TBCD: variants seen among roughly 807,000 people sequenced by gnomAD.
TBCD encodes the protein tubulin folding cofactor D.
Under a neutral mutation model 169.3 loss-of-function variants are expected in TBCD, and 105 were observed. The observed-to-expected ratio is 0.62, with a 90% CI of 0.53 to 0.73. The LOEUF (loss-of-function observed/expected upper bound fraction) is 0.73. TBCD is among the 30% of genes least tolerant of loss of function. TBCD has a pLI of 0.00. For synonymous variants in TBCD, 700 were observed against 643.9 expected (o/e 1.09, Z -1.32); for missense variants, 1,444 against 1,600.1 (o/e 0.90, Z 1.66).
At chr17:82,799,814 C>T (rs368382753) in intron 8 of TBCD, among the ~76,000 whole-genome samples, 30 of 152,222 alleles carry the variant, frequency 2.0e-4, no homozygotes, top group African/African-American at 6.0e-4. Flanking sequence ...TTGTCACCCA[C>T]GCTCATTGTG....
chr17:82,896,221 C>T (rs1219951986), intron 17 of TBCD, among the ~76,000 whole-genome samples: 2 of 152,174 alleles, frequency 1.3e-5, no homozygotes, highest in African/African-American at 4.8e-5. Context: ...GCTTCCTCTG[C>T]TCCATGCTTC....
In TBCD at chr17:82,832,526, G is replaced by A. The variant is rs565671741; in HGVS notation, c.1318+17592G>A. The A allele has an allele frequency of 1.4e-6, 2 of 1,405,808 alleles. No homozygotes were observed. The highest frequency in any genetic ancestry group is 1.4e-5 in the African/African-American group (1 of 71,058). The allele number at this position is 1,405,808 out of a possible 1,614,324, so 87.1% of individuals were successfully genotyped here. A position where few individuals can be genotyped will look rare whatever the true frequency, so the allele number is the denominator to read the frequency against. The stretch of plus-strand genomic sequence containing the variant: ...CTGTCGACGCCGCGTGCACTTCGTG[G>A]TTTCTAAAGAGGCACCTCCCGCTTT... On this transcript the variant is annotated intron_variant, in intron 13 of 38. Coordinates refer to ENST00000355528, the MANE Select transcript of TBCD (RefSeq NM_005993.5). This position sits in a 1 kb window ranked among gnomAD's most constrained non-coding sequence, Gnocchi z 4.9.
chr17:82,785,853 A>AG (rs1176119728), intron 7 of TBCD, among the ~76,000 whole-genome samples: 1 of 140,888 alleles, frequency 7.1e-6, no homozygotes, highest in African/African-American at 2.8e-5. Flanking sequence ...TCGCAGCGGG[A>AG]GGGGGGTCCA....
At chr17:82,850,250 G>C (rs921964238) in intron 13 of TBCD, among the ~76,000 whole-genome samples, 9 of 144,232 alleles carry the variant, frequency 6.2e-5, no homozygotes, top group East Asian at 2.0e-4. Context: ...TGGCTGTGCT[G>C]TTGTTGGCTG....
chr17:82,893,490 G>T, intron 16 of TBCD, 57 bp from the exon 17 acceptor site: 7 of 1,360,150 alleles, frequency 5.1e-6, no homozygotes, highest in Non-Finnish European at 6.2e-6. Flanking sequence ...TGAACTTGGT[G>T]AAATGCCTTT....
intron 13 of TBCD, among the ~76,000 whole-genome samples, chr17:82,865,054 C>G (rs1257220898): frequency 2.0e-5 from 3 of 152,232 alleles, no homozygotes; most frequent in Non-Finnish European, 4.4e-5. Flanking sequence ...AGCTGAGGGC[C>G]TCTGGGAAGG....
intron 13 of TBCD, among the ~76,000 whole-genome samples, chr17:82,859,208 C>G (rs1057221085): frequency 6.8e-6 from 1 of 147,182 alleles, no homozygotes; most frequent in Non-Finnish European, 1.5e-5. Context: ...GTGTCCTCCC[C>G]GCACTGGCTT....
intron 7 of TBCD, among the ~76,000 whole-genome samples, chr17:82,790,417 G>C (rs1226177887): frequency 6.6e-6 from 1 of 152,160 alleles, no homozygotes; most frequent in Admixed American, 6.5e-5. Flanking sequence ...GGCCTGGGTA[G>C]TGGGTGGCCT....
At chr17:82,901,092 C>T (rs2059860100) in intron 18 of TBCD, among the ~76,000 whole-genome samples, 1 of 152,244 alleles carries the variant, frequency 6.6e-6, no homozygotes, top group Admixed American at 6.5e-5. Context: ...CATGTGGCTC[C>T]ACAGGTGGTT....
At chr17:82,829,865 T>C in intron 13 of TBCD, 1 of 474,984 alleles carries the variant, frequency 2.1e-6, no homozygotes, top group Non-Finnish European at 3.7e-6. Context: ...TTATAAAAGA[T>C]CTTCTGTAAG....
chr17:82,844,315 C>T (rs981944444), intron 13 of TBCD, among the ~76,000 whole-genome samples: 27 of 151,578 alleles, frequency 1.8e-4, no homozygotes, highest in Admixed American at 2.0e-4. Context: ...GCCTCAGCCT[C>T]CCGGGTAGCT....
intron 14 of TBCD, among the ~76,000 whole-genome samples, chr17:82,883,830 C>T (rs1359314462): frequency 6.6e-6 from 1 of 152,248 alleles, no homozygotes; most frequent in Non-Finnish European, 1.5e-5. Flanking sequence ...CGCCCCACCA[C>T]AGCAGGCCAG....
chr17:82,830,549 C>T, intron 13 of TBCD: 3 of 1,614,146 alleles, frequency 1.9e-6, no homozygotes, highest in Non-Finnish European at 2.5e-6. Context: ...TCCTCAGAAC[C>T]TTCTGTCCCA....
chr17:82,809,298 G>A (rs2051250867), intron 11 of TBCD, among the ~76,000 whole-genome samples: 1 of 152,116 alleles, frequency 6.6e-6, no homozygotes, highest in African/African-American at 2.4e-5. Flanking sequence ...GGGGCCGTGA[G>A]CCCATCACCT....
intron 13 of TBCD, among the ~76,000 whole-genome samples, chr17:82,825,890 C>T (rs145982758): frequency 0.023 from 3,535 of 152,278 alleles, 59 homozygotes; most frequent in Non-Finnish European, 0.032. Context: ...ACTTGAGCCC[C>T]GGGAGGTTGA....
In TBCD at chr17:82,806,185, C is replaced by T. The variant is rs141291978; in HGVS notation, c.1087+174C>T. Reference sequence around the variant, plus strand: ...CTCTGGCTCCTGAACCCAGGCCTGTCCCTGACCATGGACAGTCTCTTCCTG... The same window carrying T: ...CTCTGGCTCCTGAACCCAGGCCTGTTCCTGACCATGGACAGTCTCTTCCTG... On this transcript the variant is annotated intron_variant, in intron 10 of 38. Transcript: ENST00000355528. The surrounding 1 kb of genome is among the most constrained non-coding windows in gnomAD (Gnocchi z 5.1). 2.4e-3 allele frequency among the ~76,000 whole-genome samples: 359 copies of T among 152,236 alleles called. 2 individuals are homozygous for T. Among genetic ancestry groups the T allele is most frequent in the Middle Eastern group, 6.8e-3 (2 of 294 alleles).
intron 2 of TBCD, among the ~76,000 whole-genome samples, chr17:82,761,624 G>A (rs928441710): frequency 2.0e-5 from 3 of 151,976 alleles, no homozygotes; most frequent in Non-Finnish European, 2.9e-5. Flanking sequence ...TTTGTCTTCC[G>A]TTGTTAAAAT....
intron 8 of TBCD, among the ~76,000 whole-genome samples, chr17:82,798,431 C>T (rs774887915): frequency 3.3e-5 from 5 of 151,962 alleles, no homozygotes; most frequent in Non-Finnish European, 7.4e-5. Flanking sequence ...CAGGTGTGAG[C>T]CACCGTGCCC....
rs1042594872 is a variant in TBCD at position 82,806,786 on chromosome 17, C to T, written c.1087+775C>T. Among the ~76,000 whole-genome samples, 1 of 152,202 alleles carries T rather than the reference C, an allele frequency of 6.6e-6. No homozygotes were observed. The highest frequency in any genetic ancestry group is 2.4e-5 in the African/African-American group (1 of 41,452). The stretch of plus-strand genomic sequence containing the variant: ...CATCAGGGCGCCTGTGGCACCGTTG[C>T]CAGCCCCGAGCCAGCATCCACTCCG... On this transcript the variant is annotated intron_variant, in intron 10 of 38. Transcript: ENST00000355528. The surrounding 1 kb of genome is among the most constrained non-coding windows in gnomAD (Gnocchi z 5.1).
Sources: gnomAD v4.1 joint callset for allele counts (sites outside exome capture counted in the v4.1 genomes callset) on GRCh38, gnomAD v4.1.1 for gene constraint, Gnocchi (gnomAD v3.1) non-coding constraint, MANE v1.5 for transcripts, NCBI Gene and HGNC (gene_info 2026-07-23, HGNC 2026-07-21) for gene names.